PDE3A: variants seen among roughly 807,000 people sequenced by gnomAD.
The protein encoded by PDE3A is phosphodiesterase 3A.
Under a neutral mutation model 98.3 loss-of-function variants are expected in PDE3A, and 43 were observed. That is an observed-to-expected ratio of 0.44 (90% CI 0.34 to 0.56). The LOEUF is 0.56. PDE3A is among the 20% of genes least tolerant of loss of function. The pLI is 0.01. For synonymous variants in PDE3A, 663 were observed against 567.9 expected (o/e 1.17, Z -2.38); for missense variants, 1,427 against 1,440.7 (o/e 0.99, Z 0.15).
Position 20,524,121 on chromosome 12 carries a change from GA to G in PDE3A, c.961-32536del, listed in dbSNP as rs1288067908. 3.9e-5 allele frequency among the ~76,000 whole-genome samples: 6 copies of G among 152,164 alleles called. No homozygotes were observed. In the South Asian group the frequency reaches 8.3e-4, roughly 21 times the overall value. ...TCACGGCCCCAGGGGAACAGCTTAA[GA>G]AAGGGATAGGAGGAATAAAATGGAA... On this transcript the variant is annotated intron_variant, in intron 1 of 15. Coordinates refer to ENST00000359062, the MANE Select transcript of PDE3A (RefSeq NM_000921.5).
In PDE3A at chr12:20,562,134, CTTG is replaced by C. The variant is rs556498817; in HGVS notation, c.1011+5430_1011+5432del. Among the ~76,000 whole-genome samples, 398 of 151,542 alleles carry C rather than the reference CTTG, an allele frequency of 2.6e-3. 2 individuals carry two copies. The highest frequency in any genetic ancestry group is 9.3e-3 in the African/African-American group (384 of 41,302). The stretch of plus-strand genomic sequence containing the variant: ...GGATGAAATTCTCAGAAGGCAATTA[CTTG>C]TTGTTTTTTCTTCATTTTTATTTTT... On this transcript the variant is annotated intron_variant, in intron 2 of 15. Coordinates refer to ENST00000359062, the MANE Select transcript of PDE3A (RefSeq NM_000921.5).
intron 1 of PDE3A, among the ~76,000 whole-genome samples, chr12:20,435,626 G>C (rs1944767855): frequency 6.6e-6 from 1 of 152,162 alleles, no homozygotes; most frequent in Admixed American, 6.5e-5. Flanking sequence ...ATTCCTGGTA[G>C]TAAGGAGGCC....
chr12:20,524,682 GAAT>G (rs1381605481), intron 1 of PDE3A, among the ~76,000 whole-genome samples: 1 of 151,608 alleles, frequency 6.6e-6, no homozygotes, highest in African/African-American at 2.4e-5. Context: ...TTTACTATAA[GAAT>G]AATAATAAAA....
intron 1 of PDE3A, among the ~76,000 whole-genome samples, chr12:20,535,842 G>A (rs917357146): frequency 6.6e-6 from 1 of 152,016 alleles, no homozygotes; most frequent in African/African-American, 2.4e-5. Flanking sequence ...AATAAAATAT[G>A]TTTTATACAT....
At position 20,628,361 on chromosome 12, in the gene PDE3A, T is replaced by C. The variant is rs111240504; in HGVS notation, c.1541-1547T>C. The stretch of plus-strand genomic sequence containing the variant: ...CGTTATCTTTGGAAAAATAAATGAG[T>C]CTTTTTAATAGACGTAGAAACCGAA... On this transcript the variant is annotated intron_variant, in intron 5 of 15. Coordinates refer to ENST00000359062, the MANE Select transcript of PDE3A (RefSeq NM_000921.5). 4.7e-3 allele frequency among the ~76,000 whole-genome samples: 713 copies of C among 152,172 alleles called. 4 individuals carry two copies. The highest frequency in any genetic ancestry group is 0.02 in the South Asian group (98 of 4,820).
chr12:20,587,267 G>A (rs1943220098), intron 2 of PDE3A, among the ~76,000 whole-genome samples: 1 of 152,170 alleles, frequency 6.6e-6, no homozygotes, highest in African/African-American at 2.4e-5. Context: ...TACTCAGGAG[G>A]CTGAGGCAGA....
intron 1 of PDE3A, among the ~76,000 whole-genome samples, chr12:20,425,201 T>C (rs936456212): frequency 2.6e-5 from 4 of 152,118 alleles, no homozygotes; most frequent in African/African-American, 9.7e-5. Flanking sequence ...GTAATGCGTG[T>C]TTTTTGGAGT....
intron 1 of PDE3A, among the ~76,000 whole-genome samples, chr12:20,414,853 G>A (rs1381750917): frequency 2.0e-5 from 3 of 151,924 alleles, no homozygotes; most frequent in Non-Finnish European, 2.9e-5. Flanking sequence ...GCAATAATTG[G>A]CATTTTTCAG....
chr12:20,673,864 A>G (rs1318498038), intron 15 of PDE3A, among the ~76,000 whole-genome samples: 3 of 150,478 alleles, frequency 2.0e-5, no homozygotes, highest in Admixed American at 2.0e-4. Flanking sequence ...TAAAAATAAA[A>G]AAAATAAAAA....
At chr12:20,557,219 A>G (rs1034776139) in intron 2 of PDE3A, 2 of 156,650 alleles carry the variant, frequency 1.3e-5, no homozygotes, top group African/African-American at 4.8e-5. Flanking sequence ...CTATATTACC[A>G]GAGTGTTTTC....
intron 2 of PDE3A, among the ~76,000 whole-genome samples, chr12:20,586,064 GT>G (rs1943189251): frequency 6.6e-6 from 1 of 152,210 alleles, no homozygotes; most frequent in Non-Finnish European, 1.5e-5. Flanking sequence ...CTGGAGGAGG[GT>G]AATAGCTGGA....
intron 15 of PDE3A, among the ~76,000 whole-genome samples, chr12:20,657,742 C>T (rs941841236): frequency 5.9e-5 from 9 of 152,144 alleles, no homozygotes; most frequent in Admixed American, 4.6e-4. Context: ...CTTTCTTCTA[C>T]GTCACCTTCT....
chr12:20,372,573 A>G (rs529363552), intron 1 of PDE3A, among the ~76,000 whole-genome samples: 1 of 152,272 alleles, frequency 6.6e-6, no homozygotes, highest in South Asian at 2.1e-4. Context: ...AAAGTTCAGG[A>G]GCTACCCACA....
At chr12:20,470,864 G>A (rs1443330850) in intron 1 of PDE3A, among the ~76,000 whole-genome samples, 1 of 147,648 alleles carries the variant, frequency 6.8e-6, no homozygotes, top group Non-Finnish European at 1.5e-5. Context: ...AGGTGTAGAT[G>A]AGGTCGAGAG....
intron 2 of PDE3A, among the ~76,000 whole-genome samples, chr12:20,612,730 T>C (rs1217638745): frequency 8.7e-6 from 1 of 114,462 alleles, no homozygotes; most frequent in African/African-American, 3.6e-5. Context: ...AAACTATATG[T>C]AAGTAATATA....
intron 1 of PDE3A, among the ~76,000 whole-genome samples, chr12:20,470,583 G>A (rs1345143454): frequency 6.6e-6 from 1 of 152,166 alleles, no homozygotes; most frequent in Non-Finnish European, 1.5e-5. Context: ...TTTTCCACTT[G>A]AAGTATTTTA....
chr12:20,454,041 A>G (rs1945112863), intron 1 of PDE3A, among the ~76,000 whole-genome samples: 1 of 152,212 alleles, frequency 6.6e-6, no homozygotes, highest in Admixed American at 6.5e-5. Context: ...CACCCAGGCA[A>G]TAGACATCAG....
intron 1 of PDE3A, among the ~76,000 whole-genome samples, chr12:20,374,362 G>T (rs1349416573): frequency 6.6e-6 from 1 of 152,018 alleles, no homozygotes; most frequent in Non-Finnish European, 1.5e-5. Context: ...TACTCTTTCT[G>T]TATTGAGTCG....
intron 1 of PDE3A, among the ~76,000 whole-genome samples, chr12:20,462,795 CT>C (rs907271126): frequency 4.1e-4 from 60 of 146,072 alleles, no homozygotes; most frequent in Middle Eastern, 3.5e-3. Context: ...AAAAGCTATA[CT>C]TTTTTTTTTT....
Sources: allele counts gnomAD v4.1 joint callset (sites outside exome capture counted in the v4.1 genomes callset), GRCh38; gene constraint gnomAD v4.1.1; transcripts MANE v1.5; gene names NCBI Gene and HGNC (gene_info 2026-07-23, HGNC 2026-07-21).